The following MYT1L variants were observed in gnomAD, a reference collection of about 807,000 sequenced individuals.
The protein encoded by MYT1L is myelin transcription factor 1 like.
A neutral mutation model predicts 126.7 loss-of-function variants in MYT1L; 12 were observed. The ratio of observed to expected loss-of-function variants is 0.09; its 90% CI spans 0.06 to 0.15. The LOEUF is 0.15. Among genes scored for constraint, MYT1L ranks in the 10% least tolerant of loss-of-function variants. The probability of loss-of-function intolerance (pLI) is 1.00; values close to 1 mark genes in which losing one functional copy is unlikely to be tolerated. For synonymous variants in MYT1L, 541 were observed against 604.2 expected, an observed-to-expected ratio of 0.90 and a Z score of 1.53; for missense variants, 979 against 1,585.2, an observed-to-expected ratio of 0.62 and a Z score of 6.49.
At chr2:2,116,712 G>A (rs978479716) in intron 3 of MYT1L, among the ~76,000 whole-genome samples, 2 of 152,202 alleles carry the variant, frequency 1.3e-5, no homozygotes, top group Admixed American at 6.5e-5. Flanking sequence ...TGGAAGATCC[G>A]CCCCCGGGAA....
intron 3 of MYT1L, among the ~76,000 whole-genome samples, chr2:2,137,011 G>A (rs1163079395): frequency 6.6e-6 from 1 of 152,126 alleles, no homozygotes; most frequent in African/African-American, 2.4e-5. Flanking sequence ...CAAAATCAAT[G>A]TGCAAAAATC....
At chr2:2,312,079 C>T (rs1447138194) in intron 1 of MYT1L, among the ~76,000 whole-genome samples, 1 of 152,150 alleles carries the variant, frequency 6.6e-6, no homozygotes, top group Non-Finnish European at 1.5e-5. Flanking sequence ...CTTTACACAG[C>T]ACCTCTAGCT....
At position 1,819,324 on chromosome 2, in the gene MYT1L, T is replaced by C. The variant is rs796788013; in HGVS notation, c.3081-10157A>G. 2.5e-4 allele frequency among the ~76,000 whole-genome samples: 38 copies of C among 151,860 alleles called. 1 individual carries two copies. The highest frequency in any genetic ancestry group is 7.0e-4 in the African/African-American group (29 of 41,406). ...CTCAAGCACAGTCCTAACAGGAGGG[T>C]CATGACAATGCTAACAGCAGTGGTG... On this transcript the variant is annotated intron_variant, in intron 21 of 24. Transcript: ENST00000647738.
intron 2 of MYT1L, among the ~76,000 whole-genome samples, chr2:2,178,933 T>A (rs1294131896): frequency 1.3e-5 from 2 of 152,156 alleles, no homozygotes; most frequent in African/African-American, 4.8e-5. Context: ...TGAATTTTAT[T>A]AATAACAAGC....
At chr2:2,026,817 G>A (rs1197026641) in intron 4 of MYT1L, among the ~76,000 whole-genome samples, 3 of 152,132 alleles carry the variant, frequency 2.0e-5, no homozygotes, top group African/African-American at 4.8e-5. Flanking sequence ...AGCCTTGTGC[G>A]GGGCCCCTCA....
At chr2:2,254,916 AT>A in intron 2 of MYT1L, among the ~76,000 whole-genome samples, 1 of 152,006 alleles carries the variant, frequency 6.6e-6, no homozygotes, top group Non-Finnish European at 1.5e-5. Flanking sequence ...AATGATCTAT[AT>A]TTTTTCTCGA....
At chr2:2,289,127 G>A (rs1278061373) in intron 1 of MYT1L, among the ~76,000 whole-genome samples, 1 of 152,142 alleles carries the variant, frequency 6.6e-6, no homozygotes, top group Non-Finnish European at 1.5e-5. Flanking sequence ...TCCACTAACA[G>A]CAGAGTAAGA....
At chr2:2,261,828 G>A (rs1459674709) in intron 2 of MYT1L, among the ~76,000 whole-genome samples, 2 of 152,202 alleles carry the variant, frequency 1.3e-5, no homozygotes, top group Non-Finnish European at 2.9e-5. Context: ...ACAGTTTCTG[G>A]AGCCAGCCAG....
At chr2:2,201,160 G>A (rs1461001902) in intron 2 of MYT1L, among the ~76,000 whole-genome samples, 1 of 152,148 alleles carries the variant, frequency 6.6e-6, no homozygotes, top group Non-Finnish European at 1.5e-5. Flanking sequence ...ACAAAAAAGT[G>A]TGTCTGTTCA....
chr2:2,184,803 G>A (rs2091941524), intron 2 of MYT1L, among the ~76,000 whole-genome samples: 1 of 152,082 alleles, frequency 6.6e-6, no homozygotes, highest in South Asian at 2.1e-4. Flanking sequence ...AGTTGTAGGA[G>A]AGACTCCTGC....
Position 1,833,358 on chromosome 2 carries a change from G to A in MYT1L, c.3080+5791C>T, listed in dbSNP as rs371767996. Among the ~76,000 whole-genome samples, 208 of 151,486 alleles carry A rather than the reference G, an allele frequency of 1.4e-3. 1 individual carries two copies. Among genetic ancestry groups the A allele is most frequent in the Admixed American group, 3.7e-3 (56 of 15,284 alleles). On this transcript the variant is annotated intron_variant, in intron 21 of 24. Transcript: ENST00000647738. The stretch of plus-strand genomic sequence containing the variant: ...CTTGGCCTTAGCACCTGTCCAGAAC[G>A]CTTGCTGGGGGTCTGCATGGGCCTC...
chr2:2,180,362 T>TAA (rs567729988), intron 2 of MYT1L, among the ~76,000 whole-genome samples: 13,919 of 139,232 alleles, frequency 0.1, 624 homozygotes, highest in East Asian at 0.12. Flanking sequence ...CATAAGCTCT[T>TAA]AAAAAAAAAA....
At chr2:2,143,165 C>T (rs986421500) in intron 3 of MYT1L, among the ~76,000 whole-genome samples, 5 of 151,634 alleles carry the variant, frequency 3.3e-5, no homozygotes, top group African/African-American at 1.2e-4. Flanking sequence ...TGGCAGGCGC[C>T]TGTAGTCCCA....
chr2:2,152,865 T>C (rs547227335), intron 3 of MYT1L, among the ~76,000 whole-genome samples: 181 of 152,184 alleles, frequency 1.2e-3, no homozygotes, highest in African/African-American at 4.1e-3. Flanking sequence ...GGTGTGAATG[T>C]CAGGGCTGGT....
chr2:2,027,371 C>T lies in MYT1L; in HGVS notation c.-158+26607G>A, dbSNP rs138735994. 9.7e-3 allele frequency among the ~76,000 whole-genome samples: 1,474 copies of T among 152,288 alleles called. 14 individuals are homozygous for T. Among genetic ancestry groups the T allele is most frequent in the Middle Eastern group, 0.024 (7 of 294 alleles). On this transcript the variant is annotated intron_variant, in intron 4 of 24. Coordinates refer to ENST00000647738, the MANE Select transcript of MYT1L (RefSeq NM_001303052.2). ...GCTTAAACTCAGGCAACAGCTGGGCCAGTCCATGTTCTGAACAAGATACCA... is the reference window on the plus strand; with the variant it reads ...GCTTAAACTCAGGCAACAGCTGGGCTAGTCCATGTTCTGAACAAGATACCA...
intron 2 of MYT1L, among the ~76,000 whole-genome samples, chr2:2,280,685 G>A (rs181745562): frequency 6.6e-6 from 1 of 152,276 alleles, no homozygotes; most frequent in African/African-American, 2.4e-5. Flanking sequence ...TCTGTGCAGG[G>A]TGGCCACGCG....
intron 4 of MYT1L, among the ~76,000 whole-genome samples, chr2:2,004,563 CTTCTCTTCTGCAGGCG>C (rs2062937106): frequency 1.6e-5 from 2 of 128,566 alleles, no homozygotes; most frequent in Admixed American, 7.7e-5. Context: ...TCCTGCGTGC[CTTCTCTTCTGCAGGCG>C]TTCTTTCCTG....
intron 21 of MYT1L, among the ~76,000 whole-genome samples, chr2:1,819,452 G>A (rs943396235): frequency 3.9e-5 from 6 of 152,300 alleles, no homozygotes; most frequent in Middle Eastern, 3.4e-3. Context: ...GGAGAGAATC[G>A]AGACGCAGAA....
intron 3 of MYT1L, among the ~76,000 whole-genome samples, chr2:2,159,646 A>AT (rs1321197368): frequency 6.6e-6 from 1 of 151,982 alleles, no homozygotes; most frequent in African/African-American, 2.4e-5. Context: ...GGGGGCGTGG[A>AT]TCCCCCTGGA....
Sources: allele counts gnomAD v4.1 joint callset (sites outside exome capture counted in the v4.1 genomes callset), GRCh38; gene constraint gnomAD v4.1.1; transcripts MANE v1.5; gene names NCBI Gene and HGNC (gene_info 2026-07-23, HGNC 2026-07-21).